Variants in HGS observed in about 807,000 individuals in gnomAD.
HGS encodes the protein human growth factor-regulated tyrosine kinase substrate.
In HGS, 63 loss-of-function variants were observed where a neutral mutation model predicts 109.7. That is an observed-to-expected ratio of 0.57 (90% CI 0.47 to 0.71). The LOEUF is 0.71. HGS is among the 30% of genes least tolerant of loss of function. HGS has a pLI of 0.00. For synonymous variants in HGS, 546 were observed against 437.3 expected, an observed-to-expected ratio of 1.25 and a Z score of -3.10; for missense variants, 995 against 1,068.3, an observed-to-expected ratio of 0.93 and a Z score of 0.96.
intron 18 of HGS, among the ~76,000 whole-genome samples, chr17:81,699,799 G>C: frequency 1.3e-5 from 2 of 152,284 alleles, no homozygotes; most frequent in Non-Finnish European, 2.9e-5. Flanking sequence ...ACTCCTGGCC[G>C]GGCGGTGGCT....
chr17:81,687,819 A>G (rs2037003246), intron 4 of HGS, among the ~76,000 whole-genome samples: 1 of 152,006 alleles, frequency 6.6e-6, no homozygotes, highest in Non-Finnish European at 1.5e-5. Flanking sequence ...GACTCCCTGG[A>G]CTCACACAGC....
intron 4 of HGS, among the ~76,000 whole-genome samples, chr17:81,687,431 G>A (rs999788388): frequency 2.6e-5 from 4 of 152,208 alleles, no homozygotes; most frequent in African/African-American, 9.7e-5. Context: ...CCACTGGGTG[G>A]GCAGGGCAGG....
chr17:81,696,707 T>A lies in HGS; in HGVS notation c.1667T>A (p.Met556Lys). The A allele has an allele frequency of 6.2e-7, 1 of 1,609,800 alleles. No homozygotes were observed. The highest frequency in any genetic ancestry group is 1.1e-5 in the South Asian group (1 of 90,998). Residue 556 changes from methionine (M) to lysine (K), a missense_variant, in exon 17 of 22, where the codon ATG becomes AAG. Met to Lys is a moderately conservative substitution (Grantham distance 95). Transcript: ENST00000329138. ...GAGCAGCAGAAGCAGACGGTCCAGA[T>A]GCGCGCGCAGATGCCCGCCTTCCCC... is the stretch of plus-strand genomic sequence containing the variant. ...RLEQQKQTVQ[M>K]RAQMPAFPLP...
At chr17:81,696,553 G>A in intron 16 of HGS, 24 bp downstream of exon 16, 2 of 1,545,522 alleles carry the variant, frequency 1.3e-6, no homozygotes, top group Non-Finnish European at 1.7e-6. Context: ...CCAGCCACAG[G>A]CCGGGGCCGG....
At chr17:81,697,112 G>GA in intron 18 of HGS, 114 bp downstream of exon 18, 1 of 1,140,306 alleles carries the variant, frequency 8.8e-7, no homozygotes, top group South Asian at 1.7e-5. Context: ...GCCCCGATGT[G>GA]AATGTTGTCC....
intron 7 of HGS, 151 bp downstream of exon 7, chr17:81,690,893 AG>A: frequency 1.6e-6 from 1 of 624,948 alleles, no homozygotes; most frequent in Non-Finnish European, 2.7e-6. Flanking sequence ...TGGCGTCAGG[AG>A]GGGGACAGTG....
rs540003947 is a variant in HGS, at chr17:81,695,032, G to A, written c.1084G>A (p.Gly362Arg). The A allele has an allele frequency of 3.1e-6, 5 of 1,613,952 alleles. No homozygotes were observed. Among genetic ancestry groups the A allele is most frequent in the Non-Finnish European group, 4.2e-6 (5 of 1,179,944 alleles). ...CCTGACGGAGCCGGCTGCACAGCCT[G>A]GGGAAGGGCACGCAGCCCCCACCAA... The part of the protein sequence containing the change: ...VPLTEPAAQP[G>R]EGHAAPTNVV... Residue 362 changes from glycine (G) to arginine (R), a missense_variant, in exon 13 of 22, where the codon GGG (glycine) becomes AGG (arginine). Coordinates refer to ENST00000329138, the MANE Select transcript of HGS (RefSeq NM_004712.5).
intron 7 of HGS, 85 bp downstream of exon 7, chr17:81,690,827 T>G: frequency 3.2e-6 from 4 of 1,238,212 alleles, no homozygotes; most frequent in South Asian, 1.3e-5. Context: ...CTGCTGGGCC[T>G]TTCCTTCCTG....
intron 11 of HGS, 70 bp from the exon 12 acceptor site, chr17:81,694,745 G>A: frequency 6.3e-7 from 1 of 1,592,494 alleles, no homozygotes; most frequent in Non-Finnish European, 8.6e-7. Flanking sequence ...GTCGCACTGG[G>A]GACATCCCTG....
At chr17:81,699,925 C>G (rs183202136) in intron 18 of HGS, among the ~76,000 whole-genome samples, 5 of 149,832 alleles carry the variant, frequency 3.3e-5, no homozygotes, top group African/African-American at 1.2e-4. Flanking sequence ...AATACAAAAA[C>G]TTAGCTGGGT....
Position 81,701,531 on chromosome 17 carries a change from C to G in HGS, c.2247C>G (p.Pro749=). ...YQQMAPSGGP[P]QQQPPVAQQP... ...AGATGGCACCCTCTGGCGGTCCCCC[C>G]CAGCAGCAGCCCCCCGTGGCCCAGC... is the stretch of plus-strand genomic sequence containing the variant. The change falls in exon 22 of 22, where the codon CCC becomes CCG. Residue 749 remains proline, a synonymous_variant. Transcript: ENST00000329138. 2 of 1,562,810 alleles carry G rather than the reference C, an allele frequency of 1.3e-6. No individual in the cohort carries two copies. Among genetic ancestry groups the G allele is most frequent in the Non-Finnish European group, 1.7e-6 (2 of 1,161,056 alleles).
chr17:81,701,007 A>G (rs1316218051), intron 20 of HGS, 38 bp from the exon 21 acceptor site: 4 of 1,587,006 alleles, frequency 2.5e-6, no homozygotes, highest in Admixed American at 3.3e-5. Flanking sequence ...GCCTGGTCAC[A>G]GGGCTACTCT....
At chr17:81,687,190 G>A (rs1032192247) in intron 4 of HGS, 95 bp downstream of exon 4, 1 of 839,462 alleles carries the variant, frequency 1.2e-6, no homozygotes, top group Non-Finnish European at 2.0e-6. Context: ...AGCACCAGGT[G>A]TGGCGGAAAA....
At chr17:81,684,254 C>A (rs987312004) in intron 1 of HGS, 151 bp downstream of exon 1, 1 of 632,808 alleles carries the variant, frequency 1.6e-6, no homozygotes, top group Non-Finnish European at 2.3e-6. Flanking sequence ...TCGGAGCCGC[C>A]GATCCTGGAC....
Position 81,691,955 on chromosome 17 carries a change from T to C in HGS, c.662+384T>C, listed in dbSNP as rs911682440. ...TGGGAACCTGCGGGGCCGCGGCCGG[T>C]GCCTCGGCGGTCGGTGTTTTGTCGC... is the stretch of plus-strand genomic sequence containing the variant. On this transcript the variant is annotated intron_variant, in intron 8 of 21. Transcript: ENST00000329138. This position sits in a 1 kb window ranked among gnomAD's most constrained non-coding sequence, Gnocchi z 5.3. 1.5e-5 allele frequency: 3 copies of C among 193,780 alleles called. No homozygotes were observed. Among genetic ancestry groups the C allele is most frequent in the Non-Finnish European group, 3.2e-5 (3 of 92,520 alleles). The allele number at this position is 193,780 out of a possible 1,614,324, so 12.0% of individuals were successfully genotyped here. A position where few individuals can be genotyped will look rare whatever the true frequency, so the allele number is the denominator to read the frequency against.
rs775823580 is a variant in HGS at position 81,695,166 on chromosome 17, C to T, written c.1122C>T (p.Asn374=). ...CCCACTCATTCTCTCTCTTCCAGAA[C>T]CCCCTCCCGGAGACAGACTCTCAGC... is the stretch of plus-strand genomic sequence containing the variant. ...GHAAPTNVVE[N]PLPETDSQPI... Residue 374 remains asparagine, a splice_region_variant and synonymous_variant, in exon 14 of 22, where the codon AAC becomes AAT. Transcript: ENST00000329138. 1.8e-5 allele frequency: 29 copies of T among 1,614,038 alleles called. No homozygotes were observed. The highest frequency in any genetic ancestry group is 4.0e-5 in the African/African-American group (3 of 74,950).
intron 4 of HGS, among the ~76,000 whole-genome samples, chr17:81,688,354 C>A (rs930405957): frequency 6.6e-6 from 1 of 152,086 alleles, no homozygotes; most frequent in African/African-American, 2.4e-5. Context: ...TTCTCAGCCC[C>A]AACACCACGC....
At chr17:81,692,691 G>GC (rs757077533) in intron 8 of HGS, 9 of 152,276 alleles carry the variant, frequency 5.9e-5, no homozygotes, top group Admixed American at 5.9e-4. Flanking sequence ...TTAGGAAAGA[G>GC]CCCCAGGTCG....
At chr17:81,690,325 G>A (rs868812635) in intron 6 of HGS, 91 bp downstream of exon 6, 2 of 1,321,990 alleles carry the variant, frequency 1.5e-6, no homozygotes, top group Non-Finnish European at 2.2e-6. Context: ...TTGAGGGTTG[G>A]TGGCTGAGCT....
Sources: allele counts gnomAD v4.1 joint callset (sites outside exome capture counted in the v4.1 genomes callset), GRCh38; gene constraint gnomAD v4.1.1; non-coding constraint Gnocchi (gnomAD v3.1); transcripts MANE v1.5; gene names NCBI Gene and HGNC (gene_info 2026-07-23, HGNC 2026-07-21).